The following KMT2C variants were observed in gnomAD, a reference collection of about 807,000 sequenced individuals.
The protein encoded by KMT2C is histone-lysine N-methyltransferase 2C.
A neutral mutation model predicts 507.9 loss-of-function variants in KMT2C; 88 were observed. The ratio of observed to expected loss-of-function variants is 0.17; its 90% CI spans 0.15 to 0.21. KMT2C has a LOEUF of 0.21. Among genes scored for constraint, KMT2C ranks in the 10% least tolerant of loss-of-function variants. The probability of loss-of-function intolerance (pLI) is 1.00; values close to 1 mark genes in which losing one functional copy is unlikely to be tolerated. For synonymous variants in KMT2C, 2,049 were observed against 2,080.8 expected (o/e 0.98, Z 0.42); for missense variants, 4,954 against 5,957.8 (o/e 0.83, Z 5.55).
At chr7:152,180,275 C>A in intron 36 of KMT2C, 149 bp from the exon 37 acceptor site, 1 of 809,956 alleles carries the variant, frequency 1.2e-6, no homozygotes, top group Non-Finnish European at 2.0e-6. Context: ...CCTGTCTCAG[C>A]CTCTCAAGTA....
chr7:152,308,392 G>C (rs780006222), intron 6 of KMT2C, among the ~76,000 whole-genome samples: 2 of 151,930 alleles, frequency 1.3e-5, no homozygotes, highest in East Asian at 3.9e-4. Context: ...AAAAACCAAA[G>C]GGGCCAGGCA....
At chr7:152,355,090 T>C (rs2097141751) in intron 2 of KMT2C, among the ~76,000 whole-genome samples, 1 of 152,188 alleles carries the variant, frequency 6.6e-6, no homozygotes, top group South Asian at 2.1e-4. Flanking sequence ...CAGGATATAC[T>C]GGGTAGGTAA....
intron 5 of KMT2C, 26 bp downstream of exon 5, chr7:152,311,772 A>T (rs757764526): frequency 1.3e-6 from 2 of 1,519,166 alleles, no homozygotes; most frequent in Admixed American, 3.8e-5. Flanking sequence ...ATTAAGAGGC[A>T]GTCATTATTG....
chr7:152,197,111 A>T (rs2093985484), intron 27 of KMT2C, among the ~76,000 whole-genome samples: 1 of 152,164 alleles, frequency 6.6e-6, no homozygotes, highest in Non-Finnish European at 1.5e-5. Context: ...GGCTGGTAAG[A>T]TTAGAAAAGG....
chr7:152,201,930 G>T (rs1291946744), intron 26 of KMT2C, among the ~76,000 whole-genome samples: 3 of 152,156 alleles, frequency 2.0e-5, no homozygotes, highest in Non-Finnish European at 4.4e-5. Flanking sequence ...TTTAAATCCT[G>T]ACTTTATAGG....
At chr7:152,434,568 C>T (rs1388081821) in intron 1 of KMT2C, among the ~76,000 whole-genome samples, 2 of 152,130 alleles carry the variant, frequency 1.3e-5, no homozygotes, top group Non-Finnish European at 2.9e-5. Context: ...CTTCCACTCC[C>T]GACAGTTCAA....
Position 152,181,105 on chromosome 7 carries a change from T to A in KMT2C, c.6755A>T (p.Gln2252Leu). ...VLMPNQDPFL[Q>L]AAQNRGPALP... Reference sequence around the variant, plus strand: ...AGCTGGTCCTCGGTTTTGTGCTGCTTGCAGGAAAGGATCCTGATTTGGCAT... The same window carrying A: ...AGCTGGTCCTCGGTTTTGTGCTGCTAGCAGGAAAGGATCCTGATTTGGCAT... The change falls in exon 36 of 59, where the codon CAA becomes CTA. Residue 2252 changes from glutamine to leucine, a missense_variant. Transcript: ENST00000262189. 1.2e-6 allele frequency: 2 copies of A among 1,614,152 alleles called. No individual in the cohort carries two copies. The highest frequency in any genetic ancestry group is 1.7e-6 in the Non-Finnish European group (2 of 1,180,034).
chr7:152,190,329 A>G (rs2093754265), intron 31 of KMT2C, among the ~76,000 whole-genome samples: 1 of 152,232 alleles, frequency 6.6e-6, no homozygotes, highest in Non-Finnish European at 1.5e-5. Context: ...ATCTACCGAT[A>G]TTACAATAAT....
At chr7:152,150,789 C>A in intron 51 of KMT2C, 111 bp downstream of exon 51, 1 of 757,246 alleles carries the variant, frequency 1.3e-6, no homozygotes, top group Non-Finnish European at 2.2e-6. Flanking sequence ...TTTGGATTCC[C>A]CACACAGAGC....
chr7:152,254,212 T>C (rs1282984071), intron 9 of KMT2C, among the ~76,000 whole-genome samples: 1 of 151,926 alleles, frequency 6.6e-6, no homozygotes, highest in African/African-American at 2.4e-5. Flanking sequence ...GCCTAGGAGG[T>C]AGAATTCAGC....
At chr7:152,152,101 A>T (rs958107207) in intron 49 of KMT2C, among the ~76,000 whole-genome samples, 2 of 152,202 alleles carry the variant, frequency 1.3e-5, no homozygotes, top group Non-Finnish European at 2.9e-5. Context: ...AGCAGGGAAA[A>T]AGTGACAGAA....
rs2129118090 is a variant in KMT2C, at chr7:152,179,956, A to T, written c.7320T>A (p.Pro2440=). ...QAFTRPPPPY[P]GNIRSPVAPP... is the part of the protein sequence containing the mutation. The stretch of plus-strand genomic sequence containing the variant: ...GGGCAACAGGAGACCTAATGTTCCC[A>T]GGATAGGGAGGTGGGGGTCTGGTGA... The change falls in exon 37 of 59, where the codon CCT becomes CCA. Residue 2440 remains proline, a synonymous_variant. Transcript: ENST00000262189. 6.2e-7 allele frequency: 1 copy of T among 1,614,126 alleles called. No individual in the cohort carries two copies. Among genetic ancestry groups the T allele is most frequent in the Non-Finnish European group, 8.5e-7 (1 of 1,180,018 alleles).
chr7:152,140,427 C>T (rs555521276), intron 55 of KMT2C, among the ~76,000 whole-genome samples: 2 of 152,358 alleles, frequency 1.3e-5, no homozygotes, highest in African/African-American at 4.8e-5. Context: ...TCTCACTGCG[C>T]AGCTTGTACT....
At chr7:152,369,834 A>G (rs1366807716) in intron 1 of KMT2C, among the ~76,000 whole-genome samples, 1 of 152,084 alleles carries the variant, frequency 6.6e-6, no homozygotes, top group African/African-American at 2.4e-5. Flanking sequence ...TAAACTACCA[A>G]CTCTCGGGTA....
Position 152,413,988 on chromosome 7 carries a change from G to A in KMT2C, c.161+21638C>T, listed in dbSNP as rs547192850. Among the ~76,000 whole-genome samples the A allele has an allele frequency of 1.7e-3, 262 of 152,080 alleles. 2 individuals carry two copies. Among genetic ancestry groups the A allele is most frequent in the Admixed American group, 3.4e-3 (52 of 15,280 alleles). ...ACTCTCTGGGAGGCCAAGGCGGGCGGACCACTAGGTCAGAAATTCGAGACC... is the reference window on the plus strand; with the variant it reads ...ACTCTCTGGGAGGCCAAGGCGGGCGAACCACTAGGTCAGAAATTCGAGACC... On this transcript the variant is annotated intron_variant, in intron 1 of 58. Transcript: ENST00000262189.
rs976308768 is a variant in KMT2C, at chr7:152,151,704, TA to T, written c.12527-124del. 141 of 663,254 alleles carry T rather than the reference TA, an allele frequency of 2.1e-4. 1 individual carries two copies. In the East Asian group the frequency reaches 3.5e-3, roughly 16 times the overall value. 41.1% of individuals were successfully genotyped at this position (663,254 alleles called of 1,614,324 possible). On this transcript the variant is annotated intron_variant, in intron 49 of 58. Coordinates refer to ENST00000262189, the MANE Select transcript of KMT2C (RefSeq NM_170606.3). ...TTCATTAACATTATTCTTTAATTAA[TA>T]AAAAAAATTTATCTTCTAAGCAATG...
chr7:152,274,568 G>C (rs2096045666), intron 6 of KMT2C, among the ~76,000 whole-genome samples: 1 of 152,202 alleles, frequency 6.6e-6, no homozygotes, highest in South Asian at 2.1e-4. Flanking sequence ...TAAGAAGTCA[G>C]AAGAAATTAT....
intron 45 of KMT2C, 34 bp downstream of exon 45, chr7:152,156,171 T>C (rs1485177812): frequency 6.2e-7 from 1 of 1,609,280 alleles, no homozygotes; most frequent in African/African-American, 1.3e-5. Flanking sequence ...GGCACATTTC[T>C]CCGAGGTGTG....
intron 34 of KMT2C, among the ~76,000 whole-genome samples, chr7:152,184,072 CAAAAAAAA>C (rs555445009): frequency 2.0e-5 from 1 of 49,434 alleles, no homozygotes; most frequent in Admixed American, 2.3e-4. Flanking sequence ...AGCTCCATCT[CAAAAAAAA>C]AAAAAAAAAA....
Sources: allele counts gnomAD v4.1 joint callset (sites outside exome capture counted in the v4.1 genomes callset), GRCh38; gene constraint gnomAD v4.1.1; transcripts MANE v1.5; gene names NCBI Gene and HGNC (gene_info 2026-07-23, HGNC 2026-07-21).